The following DDX54 variants were observed in gnomAD, a reference collection of about 807,000 sequenced individuals.
DDX54 encodes the protein ATP-dependent RNA helicase DDX54.
A neutral mutation model predicts 105.5 loss-of-function variants in DDX54; 67 were observed. That is an observed-to-expected ratio of 0.64 (90% confidence interval 0.52 to 0.78). The LOEUF (loss-of-function observed/expected upper bound fraction) is 0.78, where lower values mean the gene tolerates loss of function less well. DDX54 is among the 30% of genes least tolerant of loss of function. The pLI, the probability that DDX54 is intolerant of heterozygous loss-of-function variation, is 0.00. For synonymous variants in DDX54, 514 were observed against 509.9 expected, an observed-to-expected ratio of 1.01 and a Z score of -0.11; for missense variants, 1,206 against 1,230.5, an observed-to-expected ratio of 0.98 and a Z score of 0.30.
At chr12:113,180,109 A>AG in intron 2 of DDX54, 104 bp from the exon 3 acceptor site, 1 of 1,091,588 alleles carries the variant, frequency 9.2e-7, no homozygotes, top group Non-Finnish European at 1.4e-6. Flanking sequence ...ATAAACAGCA[A>AG]GGGAAAAAAA....
Position 113,177,084 on chromosome 12 carries a change from G to A in DDX54, c.624C>T (p.Asp208=), listed in dbSNP as rs780135349. ...ALILGGDRME[D]QFAALHENPD... is the part of the protein sequence containing the mutation. ...GATTTTCGTGCAGGGCTGCAAACTG[G>A]TCTTCCATCCTAGAGAGGAGAGAAG... Residue 208 remains aspartate (D), a synonymous_variant, in exon 6 of 20, where the codon GAC becomes GAT. Transcript: ENST00000306014. 13 of 1,613,928 alleles carry A rather than the reference G, an allele frequency of 8.1e-6. No individual in the cohort carries two copies. Among genetic ancestry groups the A allele is most frequent in the Non-Finnish European group, 1.1e-5 (13 of 1,179,982 alleles).
chr12:113,172,152 A>T (rs1359766777), intron 11 of DDX54, among the ~76,000 whole-genome samples: 1 of 151,664 alleles, frequency 6.6e-6, no homozygotes, highest in Non-Finnish European at 1.5e-5. Context: ...TTGAGACAAG[A>T]TCTTGCTCCG....
intron 5 of DDX54, 28 bp from the exon 6 acceptor site, chr12:113,177,121 A>G: frequency 9.3e-6 from 15 of 1,612,578 alleles, no homozygotes; most frequent in Non-Finnish European, 1.3e-5. Flanking sequence ...GGTTAGCTTG[A>G]TAGAACAGGT....
At chr12:113,169,434 T>C (rs574687802) in intron 12 of DDX54, among the ~76,000 whole-genome samples, 10 of 152,138 alleles carry the variant, frequency 6.6e-5, no homozygotes, top group African/African-American at 2.2e-4. Context: ...CTGGCCAACA[T>C]GGTGAAACCT....
rs35519289 is a variant in DDX54, at chr12:113,165,654, C to A, written c.1709G>T (p.Arg570Leu). The change falls in exon 14 of 20, where the codon CGC (arginine) becomes CTC (leucine). Residue 570 changes from arginine (R) to leucine (L), a missense_variant. By Grantham distance (102) the Arg-to-Leu change is moderately radical. Coordinates refer to ENST00000306014, the MANE Select transcript of DDX54 (RefSeq NM_024072.4). ...LRLVDSIKNY[R>L]SRATIFEINA... ...CCCGGCCCCACTCACCGCCCGGGAG[C>A]GGTAGTTCTTTATGCTGTCCACCAG... The A allele has an allele frequency of 1.9e-6, 3 of 1,610,552 alleles. No individual in the cohort carries two copies. In the African/African-American group the frequency reaches 4.0e-5, roughly 22 times the overall value.
intron 12 of DDX54, 150 bp from the exon 13 acceptor site, chr12:113,166,182 G>A: frequency 1.2e-6 from 1 of 806,222 alleles, no homozygotes; most frequent in South Asian, 1.8e-5. Context: ...CACTCAGGGA[G>A]GAGCTAGAGA....
chr12:113,169,481 C>T (rs541796599), intron 12 of DDX54, among the ~76,000 whole-genome samples: 1 of 151,820 alleles, frequency 6.6e-6, no homozygotes, highest in South Asian at 2.1e-4. Context: ...ATTTGCCAGG[C>T]GTGGTGGCGG....
chr12:113,177,822 A>T (rs1952421719), intron 5 of DDX54, among the ~76,000 whole-genome samples: 1 of 152,200 alleles, frequency 6.6e-6, no homozygotes, highest in African/African-American at 2.4e-5. Context: ...CACTTTGCCC[A>T]TCTGTAAAAC....
At chr12:113,165,752 TG>T in intron 13 of DDX54, 35 bp from the exon 14 acceptor site, 2 of 1,607,464 alleles carry the variant, frequency 1.2e-6, no homozygotes, top group Non-Finnish European at 8.5e-7. Flanking sequence ...AGGCTGTGGG[TG>T]GGGTCAGCAA....
chr12:113,158,947 T>C lies in DDX54; in HGVS notation c.2576A>G (p.Gln859Arg). 6.2e-7 allele frequency: 1 copy of C among 1,611,526 alleles called. No individual in the cohort carries two copies. Among genetic ancestry groups the C allele is most frequent in the Non-Finnish European group, 8.5e-7 (1 of 1,178,692 alleles). Residue 859 changes from glutamine (Q) to arginine (R), a missense_variant, in exon 20 of 20, where the codon CAG becomes CGG. By Grantham distance (43) the Gln-to-Arg change is conservative. This residue lies in a region of DDX54 where 961 missense variants were observed against 1,019.1 expected (regional missense o/e 0.94). Transcript: ENST00000306014. This position sits in a 1 kb window ranked among gnomAD's most constrained non-coding sequence, Gnocchi z 4.9. ...QLSARNRRRVQELQQGAFGRG... is the reference protein window; with the variant it reads ...QLSARNRRRVRELQQGAFGRG... The stretch of plus-strand genomic sequence containing the variant: ...GCCGAAGGCGCCCTGCTGCAGCTCC[T>C]GGACGCGGCGGCGGTTGCGGGCAGA...
At chr12:113,170,439 G>T (rs570911744) in intron 11 of DDX54, among the ~76,000 whole-genome samples, 1 of 152,118 alleles carries the variant, frequency 6.6e-6, no homozygotes, top group Non-Finnish European at 1.5e-5. Flanking sequence ...CCAGGAGTTC[G>T]AGAACAGCCT....
intron 5 of DDX54, chr12:113,177,372 C>T (rs1186942082): frequency 2.5e-6 from 1 of 396,946 alleles, no homozygotes; most frequent in Non-Finnish European, 4.5e-6. Context: ...CAGATAGCAA[C>T]AAAGCTGCCT....
intron 17 of DDX54, among the ~76,000 whole-genome samples, chr12:113,162,384 C>T (rs1226647113): frequency 6.6e-6 from 1 of 152,190 alleles, no homozygotes; most frequent in African/African-American, 2.4e-5. Context: ...TCTAGAAAGA[C>T]TTGCCAGCAA....
intron 1 of DDX54, 121 bp downstream of exon 1, chr12:113,185,157 C>T (rs1001346527): frequency 2.8e-5 from 36 of 1,269,982 alleles, no homozygotes; most frequent in Non-Finnish European, 3.4e-5. Flanking sequence ...GTCCTCGGGT[C>T]GGCAGCCTCC....
At chr12:113,175,930 G>A (rs1952396915) in intron 7 of DDX54, among the ~76,000 whole-genome samples, 1 of 152,050 alleles carries the variant, frequency 6.6e-6, no homozygotes, top group Non-Finnish European at 1.5e-5. Context: ...TCCAAACTGG[G>A]TGACAGAGCA....
In DDX54 at chr12:113,185,292, C is replaced by A. The variant is rs1371769379; in HGVS notation, c.160G>T (p.Ala54Ser). Residue 54 changes from alanine (A) to serine (S), a missense_variant, in exon 1 of 20, where the codon GCC becomes TCC. By Grantham distance (99) the Ala-to-Ser change is moderately conservative. Transcript: ENST00000306014. ...GEFEIQAEDDARARKLGPGRP... is the reference protein window; with the variant it reads ...GEFEIQAEDDSRARKLGPGRP... ...CACGCGCCTACCTTCCGGGCCCGGG[C>A]GTCATCTTCCGCCTGGATCTCAAAC... is the stretch of plus-strand genomic sequence containing the variant. 2 of 1,575,306 alleles carry A rather than the reference C, an allele frequency of 1.3e-6. No individual in the cohort carries two copies. Among genetic ancestry groups the A allele is most frequent in the Admixed American group, 3.5e-5 (2 of 56,526 alleles).
In DDX54 at chr12:113,174,781, G is replaced by A. The variant is rs752043080; in HGVS notation, c.937-10C>T. On this transcript the variant is annotated splice_polypyrimidine_tract_variant and intron_variant, in intron 9 of 19. Transcript: ENST00000306014. ...CGAGGAAGAAGGAGGTCTGTGGGGAGAGGGCATCACGTGTTGGCTTACGGG... is the reference window on the plus strand; with the variant it reads ...CGAGGAAGAAGGAGGTCTGTGGGGAAAGGGCATCACGTGTTGGCTTACGGG... The A allele has an allele frequency of 4.3e-5, 70 of 1,613,996 alleles. 1 individual carries two copies. The South Asian group carries it at 6.4e-4, about 15-fold the overall frequency.
In DDX54 at chr12:113,171,862, A is replaced by T. The variant is rs79282373; in HGVS notation, c.1279+491T>A. Among the ~76,000 whole-genome samples, 400 of 152,302 alleles carry T rather than the reference A, an allele frequency of 2.6e-3. 6 individuals are homozygous for T. The highest frequency in any genetic ancestry group is 8.3e-3 in the African/African-American group (346 of 41,554). ...GTGACTTACGAAGGGCTGCGTCTCA[A>T]TAAACCCAATAGCCGTCAAAAACAC... On this transcript the variant is annotated intron_variant, in intron 11 of 19. Coordinates refer to ENST00000306014, the MANE Select transcript of DDX54 (RefSeq NM_024072.4).
rs1013950068 is a variant in DDX54 at position 113,157,496 on chromosome 12, G to T, written c.*1381C>A. 12 of 822,118 alleles carry T rather than the reference G, an allele frequency of 1.5e-5. No individual in the cohort carries two copies. Among genetic ancestry groups the T allele is most frequent in the Middle Eastern group, 2.7e-4 (1 of 3,742 alleles). The allele number at this position is 822,118 out of a possible 1,614,324, so 50.9% of individuals were successfully genotyped here. A position where few individuals can be genotyped will look rare whatever the true frequency, so the allele number is the denominator to read the frequency against. ...ATCATCACTGTTCTTTTAATGAGGG[G>T]ATCTCCAGTCCCCGCCCTACCTTTC... is the stretch of plus-strand genomic sequence containing the variant. On this transcript the variant is annotated 3_prime_UTR_variant, in exon 20 of 20. Transcript: ENST00000306014.
Sources: gnomAD v4.1 joint callset for allele counts (sites outside exome capture counted in the v4.1 genomes callset) on GRCh38, gnomAD v4.1.1 for gene constraint, gnomAD v4.1.1 regional missense constraint, Gnocchi (gnomAD v3.1) non-coding constraint, MANE v1.5 for transcripts, NCBI Gene and HGNC (gene_info 2026-07-23, HGNC 2026-07-21) for gene names.